Variants in PNKD observed in about 807,000 individuals in gnomAD.
The protein encoded by PNKD is PNKD metallo-beta-lactamase domain containing.
Under a neutral mutation model 45.3 loss-of-function variants are expected in PNKD, and 36 were observed. The observed-to-expected ratio is 0.80, with a 90% CI of 0.61 to 1.05. PNKD has a LOEUF of 1.05. Among genes scored for constraint, PNKD ranks in the 50% least tolerant of loss-of-function variants. The pLI is 0.00. For synonymous variants in PNKD, 197 were observed against 210.1 expected, an observed-to-expected ratio of 0.94 and a Z score of 0.54; for missense variants, 511 against 506.6, an observed-to-expected ratio of 1.01 and a Z score of -0.08.
chr2:218,310,660 C>T lies in PNKD; in HGVS notation c.237-29123C>T, dbSNP rs1574685670. ...GGGCTGGAGTACAGTGGCGCCATCT[C>T]GGCTCACTGCAACCTCCGCCTCCCA... On this transcript the variant is annotated intron_variant, in intron 2 of 9. Coordinates refer to ENST00000273077, the MANE Select transcript of PNKD (RefSeq NM_015488.5). Among the ~76,000 whole-genome samples, 3 of 135,616 alleles carry T rather than the reference C, an allele frequency of 2.2e-5. No individual in the cohort carries two copies. The Admixed American group carries it at 2.2e-4, about 10-fold the overall frequency. 89.0% of individuals were successfully genotyped at this position (135,616 alleles called of 152,430 possible). A position where few individuals can be genotyped will look rare whatever the true frequency, so the allele number is the denominator to read the frequency against.
At chr2:218,315,573 A>T (rs1693789117) in intron 2 of PNKD, among the ~76,000 whole-genome samples, 1 of 152,250 alleles carries the variant, frequency 6.6e-6, no homozygotes, top group Non-Finnish European at 1.5e-5. Flanking sequence ...AAATGCCTTT[A>T]AGAATAACAT....
At chr2:218,279,552 T>C in intron 2 of PNKD, 1 of 531,896 alleles carries the variant, frequency 1.9e-6, no homozygotes, top group Non-Finnish European at 3.3e-6. Context: ...CCCTGCCATC[T>C]CCCCTCCTGT....
Position 218,271,487 on chromosome 2 carries a change from G to A in PNKD, c.174G>A (p.Pro58=), listed in dbSNP as rs1427711767. ...AGGAGGAACCTGAACCCCTATCCCC[G>A]GAGCTGGAATACATTCCCAGAAAGA... ...EGKEEPEPLS[P]ELEYIPRKRG... is the part of the protein sequence containing the mutation. Residue 58 remains proline, a synonymous_variant, in exon 2 of 10, where the codon CCG becomes CCA. Coordinates refer to ENST00000273077, the MANE Select transcript of PNKD (RefSeq NM_015488.5). The A allele has an allele frequency of 6.2e-7, 1 of 1,614,020 alleles. No individual in the cohort carries two copies. Among genetic ancestry groups the A allele is most frequent in the Non-Finnish European group, 8.5e-7 (1 of 1,180,018 alleles).
intron 2 of PNKD, among the ~76,000 whole-genome samples, chr2:218,319,371 CTTTTTT>C (rs35553031): frequency 5.0e-5 from 4 of 80,214 alleles, no homozygotes; most frequent in African/African-American, 1.5e-4. Flanking sequence ...TCTTGTTTGT[CTTTTTT>C]TTTTTTTTTT....
At chr2:218,304,609 A>G (rs1322098921) in intron 2 of PNKD, among the ~76,000 whole-genome samples, 2 of 152,176 alleles carry the variant, frequency 1.3e-5, no homozygotes, top group Non-Finnish European at 2.9e-5. Flanking sequence ...TGCCTGTGTC[A>G]TCTGTTTCCC....
intron 2 of PNKD, chr2:218,277,105 AGGAAGCAAGAAAGAG>A (rs1412221574): frequency 6.2e-7 from 1 of 1,613,604 alleles, no homozygotes; most frequent in Non-Finnish European, 8.5e-7. Context: ...TCCACCTGCC[AGGAAGCAAGAAAGAG>A]GCACCTGTCA....
rs772773540 is a variant in PNKD at position 218,342,168 on chromosome 2, G to A, written c.781+24G>A. 6 of 1,605,196 alleles carry A rather than the reference G, an allele frequency of 3.7e-6. No homozygotes were observed. The South Asian group carries it at 6.6e-5, about 18-fold the overall frequency. On this transcript the variant is annotated intron_variant, in intron 7 of 9. Transcript: ENST00000273077. Reference sequence around the variant, plus strand: ...TGGTGAGTTTCCCCGAAAGAGAGAGGAGCTGGGAGAGGAGGGAGAGACAGA... The same window carrying A: ...TGGTGAGTTTCCCCGAAAGAGAGAGAAGCTGGGAGAGGAGGGAGAGACAGA...
chr2:218,271,332 T>G, intron 1 of PNKD, 49 bp from the exon 2 acceptor site: 2 of 1,564,176 alleles, frequency 1.3e-6, no homozygotes, highest in Non-Finnish European at 1.8e-6. Context: ...CCTCCCCGCT[T>G]GCTTTCTTCT....
intron 2 of PNKD, among the ~76,000 whole-genome samples, chr2:218,319,380 T>TC (rs1693916053): frequency 7.0e-6 from 1 of 143,054 alleles, no homozygotes; most frequent in African/African-American, 2.6e-5. Flanking sequence ...TCTTTTTTTT[T>TC]TTTTTTTTTT....
chr2:218,331,759 C>T (rs1199851374), intron 2 of PNKD, among the ~76,000 whole-genome samples: 2 of 152,114 alleles, frequency 1.3e-5, no homozygotes, highest in African/African-American at 2.4e-5. Flanking sequence ...TGAGCCACCG[C>T]GCCCAGCCAT....
rs140097599 is a variant in PNKD, at chr2:218,317,675, A to G, written c.237-22108A>G. On this transcript the variant is annotated intron_variant, in intron 2 of 9. Coordinates refer to ENST00000273077, the MANE Select transcript of PNKD (RefSeq NM_015488.5). ...TCATATTCAGTCCAGACAGGCTGGG[A>G]GCTCTGTGAGAAGGCAGAGGACGTT... 6.9e-3 allele frequency among the ~76,000 whole-genome samples: 1,047 copies of G among 152,308 alleles called. 12 individuals are homozygous for G. Among genetic ancestry groups the G allele is most frequent in the African/African-American group, 0.022 (923 of 41,554 alleles).
intron 2 of PNKD, chr2:218,279,430 T>C: frequency 7.5e-7 from 1 of 1,337,734 alleles, no homozygotes; most frequent in East Asian, 2.5e-5. Flanking sequence ...CCCCCAGTAC[T>C]TTCCTCCCAC....
intron 2 of PNKD, among the ~76,000 whole-genome samples, chr2:218,319,713 C>T (rs13020391): frequency 0.32 from 48,766 of 152,172 alleles, 8,108 homozygotes; most frequent in Middle Eastern, 0.49. Flanking sequence ...GCATACCTGG[C>T]CTCTACCCAC....
chr2:218,319,880 A>T (rs1371088093), intron 2 of PNKD, among the ~76,000 whole-genome samples: 1 of 152,278 alleles, frequency 6.6e-6, no homozygotes, highest in Non-Finnish European at 1.5e-5. Context: ...TTATTTCCAC[A>T]TGGAGGGGTT....
chr2:218,278,403 T>C (rs898375386), intron 2 of PNKD: 3 of 1,145,628 alleles, frequency 2.6e-6, no homozygotes, highest in Non-Finnish European at 3.9e-6. Flanking sequence ...CTCCTCCTCA[T>C]TTCTTGTAAG....
At chr2:218,278,302 C>T (rs761101588) in intron 2 of PNKD, 7 of 619,874 alleles carry the variant, frequency 1.1e-5, no homozygotes, top group Non-Finnish European at 2.0e-5. Flanking sequence ...TGCTACCTGT[C>T]TTGCAGGGTT....
At position 218,278,971 on chromosome 2, in the gene PNKD, T is replaced by C. The variant is rs1401816347; in HGVS notation, c.236+7422T>C. On this transcript the variant is annotated intron_variant, in intron 2 of 9. Transcript: ENST00000273077. ...ATTTTGATCCTGCCCTGAGCAAAGC[T>C]GGTCACCTAGAAACAGAAGCTGCCA... 3.1e-6 allele frequency: 5 copies of C among 1,587,364 alleles called. No homozygotes were observed. In the African/African-American group the frequency reaches 6.7e-5, roughly 21 times the overall value.
At chr2:218,279,369 C>T (rs1454393615) in intron 2 of PNKD, 7 of 1,542,060 alleles carry the variant, frequency 4.5e-6, no homozygotes, top group African/African-American at 2.8e-5. Context: ...CACAGACGGC[C>T]GGGCATGGGT....
At chr2:218,272,709 G>T in intron 2 of PNKD, 1 of 1,614,230 alleles carries the variant, frequency 6.2e-7, no homozygotes, top group Non-Finnish European at 8.5e-7. Context: ...GAGGTTCAGG[G>T]CTTCCTCCCA....
Sources: gnomAD v4.1 joint callset for allele counts (sites outside exome capture counted in the v4.1 genomes callset) on GRCh38, gnomAD v4.1.1 for gene constraint, MANE v1.5 for transcripts, NCBI Gene and HGNC (gene_info 2026-07-23, HGNC 2026-07-21) for gene names.